The following SHISA9 variants were observed in gnomAD, a reference collection of about 807,000 sequenced individuals.
The protein encoded by SHISA9 is protein shisa-9.
Under a neutral mutation model 38.0 loss-of-function variants are expected in SHISA9, and 13 were observed. The ratio of observed to expected loss-of-function variants is 0.34; its 90% confidence interval spans 0.22 to 0.54. The LOEUF is 0.54. SHISA9 is among the 20% of genes least tolerant of loss of function. The pLI, the probability that SHISA9 is intolerant of heterozygous loss-of-function variation, is 0.91. For missense variants in SHISA9, 538 were observed against 575.8 expected (o/e 0.93, Z 0.67); for synonymous variants, 275 against 242.0 (o/e 1.14, Z -1.27).
the SHISA9 span, among the ~76,000 whole-genome samples, chr16:13,262,890 TTAAC>T: frequency 6.6e-6 from 1 of 152,120 alleles, no homozygotes; most frequent in Non-Finnish European, 1.5e-5. Context: ...AGGGAGAGCA[TTAAC>T]TATCTACTCT....
chr16:13,416,038 C>G, the SHISA9 span, among the ~76,000 whole-genome samples: 3 of 152,236 alleles, frequency 2.0e-5, no homozygotes, highest in Middle Eastern at 3.4e-3. Context: ...TTTACTTGTT[C>G]TGGGCCAGGA....
chr16:13,334,773 CAAAAAAAA>C, the SHISA9 span, among the ~76,000 whole-genome samples: 1 of 97,676 alleles, frequency 1.0e-5, no homozygotes, highest in Non-Finnish European at 2.0e-5. Flanking sequence ...GACTCCATCT[CAAAAAAAA>C]AAAAAAAAAA....
At chr16:13,526,602 T>C in the SHISA9 span, among the ~76,000 whole-genome samples, 1 of 152,134 alleles carries the variant, frequency 6.6e-6, no homozygotes, top group Admixed American at 6.6e-5. Flanking sequence ...GCCAGGCTGG[T>C]CTCGAACCCC....
the SHISA9 span, among the ~76,000 whole-genome samples, chr16:13,414,834 T>C: frequency 6.6e-5 from 10 of 152,256 alleles, no homozygotes; most frequent in East Asian, 1.2e-3. Flanking sequence ...GGTTTCACCA[T>C]GTTAGCCAGG....
intron 2 of SHISA9, among the ~76,000 whole-genome samples, chr16:13,085,774 C>G (rs1248911462): frequency 6.6e-6 from 1 of 152,084 alleles, no homozygotes; most frequent in Non-Finnish European, 1.5e-5. Context: ...ACTCAGGGGA[C>G]TTTTACAGAA....
chr16:13,161,512 C>T lies in SHISA9; in HGVS notation c.692-41882C>T, dbSNP rs116737088. 3.8e-3 allele frequency among the ~76,000 whole-genome samples: 574 copies of T among 152,248 alleles called. 3 individuals are homozygous for T. Among genetic ancestry groups the T allele is most frequent in the African/African-American group, 0.012 (512 of 41,542 alleles). ...TTTGGGCATTTTTCTCATCTAAACCCTGGCTGTCCCCCTACAGCTAAAATG... is the reference window on the plus strand; with the variant it reads ...TTTGGGCATTTTTCTCATCTAAACCTTGGCTGTCCCCCTACAGCTAAAATG... On this transcript the variant is annotated intron_variant, in intron 2 of 4. Transcript: ENST00000558583.
At chr16:13,308,469 G>A in the SHISA9 span, among the ~76,000 whole-genome samples, 1 of 152,176 alleles carries the variant, frequency 6.6e-6, no homozygotes, top group African/African-American at 2.4e-5. Flanking sequence ...ATTTAGGCAG[G>A]AAAATAGATG....
intron 2 of SHISA9, among the ~76,000 whole-genome samples, chr16:12,956,571 C>T (rs1176877956): frequency 6.6e-6 from 1 of 152,152 alleles, no homozygotes; most frequent in Non-Finnish European, 1.5e-5. Context: ...ATGTCCTTTG[C>T]AGCAACATGT....
the SHISA9 span, among the ~76,000 whole-genome samples, chr16:13,560,717 G>GA: frequency 8.2e-6 from 1 of 121,816 alleles, no homozygotes; most frequent in African/African-American, 3.2e-5. Context: ...TAAGATACAT[G>GA]AAAAAAGAGA....
chr16:13,370,040 C>T, the SHISA9 span, among the ~76,000 whole-genome samples: 44 of 152,036 alleles, frequency 2.9e-4, no homozygotes, highest in Non-Finnish European at 3.8e-4. Context: ...CAACCAAAAA[C>T]CATTTGTACC....
intron 2 of SHISA9, among the ~76,000 whole-genome samples, chr16:13,094,203 A>G (rs2073803428): frequency 6.6e-6 from 1 of 152,186 alleles, no homozygotes; most frequent in Admixed American, 6.5e-5. Flanking sequence ...TGCTCCTCTG[A>G]TACGAGTTGT....
the SHISA9 span, among the ~76,000 whole-genome samples, chr16:13,250,967 C>G: frequency 6.6e-6 from 1 of 152,252 alleles, no homozygotes; most frequent in African/African-American, 2.4e-5. Flanking sequence ...TGTTGAGAAT[C>G]AATTCTAGAA....
the SHISA9 span, among the ~76,000 whole-genome samples, chr16:13,555,623 C>A: frequency 6.6e-6 from 1 of 150,936 alleles, no homozygotes; most frequent in African/African-American, 2.4e-5. Flanking sequence ...GGGGAGGTAG[C>A]AAGTTCCCCA....
the SHISA9 span, among the ~76,000 whole-genome samples, chr16:13,358,571 C>T: frequency 2.0e-5 from 3 of 152,212 alleles, no homozygotes; most frequent in Non-Finnish European, 4.4e-5. Flanking sequence ...CCATTTCCTT[C>T]CCTTTCCTTT....
the SHISA9 span, among the ~76,000 whole-genome samples, chr16:13,461,565 G>A: frequency 2.1e-5 from 3 of 141,128 alleles, no homozygotes; most frequent in African/African-American, 7.9e-5. Flanking sequence ...GGCAACAAGA[G>A]CAAAACTCCC....
the SHISA9 span, among the ~76,000 whole-genome samples, chr16:13,405,214 G>T: frequency 6.6e-6 from 1 of 152,172 alleles, no homozygotes; most frequent in Non-Finnish European, 1.5e-5. Context: ...TAATCTTCTA[G>T]TCAATTCCGA....
chr16:13,235,252 C>T lies in SHISA9; in HGVS notation c.1118C>T (p.Pro373Leu). ...ACCACCAACTTTAAGGGCTGGGACCCCAACGAGCAGTCCCTCCGGCGGCAG... is the reference window on the plus strand; with the variant it reads ...ACCACCAACTTTAAGGGCTGGGACCTCAACGAGCAGTCCCTCCGGCGGCAG... ...TSTTNFKGWD[P>L]NEQSLRRQAY... The change falls in exon 5 of 5, where the codon CCC becomes CTC. Residue 373 changes from proline (P) to leucine (L), a missense_variant. Pro to Leu is a moderately conservative substitution (Grantham distance 98, BLOSUM62 -3). Transcript: ENST00000558583. The T allele has an allele frequency of 6.4e-7, 1 of 1,551,770 alleles. No homozygotes were observed. The highest frequency in any genetic ancestry group is 8.7e-7 in the Non-Finnish European group (1 of 1,147,028).
At chr16:13,327,617 A>T in the SHISA9 span, among the ~76,000 whole-genome samples, 1 of 152,058 alleles carries the variant, frequency 6.6e-6, no homozygotes, top group Non-Finnish European at 1.5e-5. Flanking sequence ...CTCTGTCTCA[A>T]AAAAGAAAAG....
chr16:13,348,988 C>G, the SHISA9 span, among the ~76,000 whole-genome samples: 1 of 152,132 alleles, frequency 6.6e-6, no homozygotes, highest in African/African-American at 2.4e-5. Context: ...ACTGTTCCCT[C>G]ATGCACACAC....
Sources: gnomAD v4.1 joint callset for allele counts (sites outside exome capture counted in the v4.1 genomes callset) on GRCh38, gnomAD v4.1.1 for gene constraint, MANE v1.5 for transcripts, NCBI Gene and HGNC (gene_info 2026-07-23, HGNC 2026-07-21) for gene names.